The following PDE10A variants were observed in gnomAD, a reference collection of about 807,000 sequenced individuals.
PDE10A encodes phosphodiesterase 10A.
Under a neutral mutation model 97.7 loss-of-function variants are expected in PDE10A, and 39 were observed. The ratio of observed to expected loss-of-function variants is 0.40; its 90% confidence interval spans 0.31 to 0.52. The LOEUF (loss-of-function observed/expected upper bound fraction) is 0.52. Ranked by LOEUF, PDE10A falls within the 20% of genes least tolerant of loss-of-function variation. The probability of loss-of-function intolerance (pLI) is 0.56; values close to 1 mark genes in which losing one functional copy is unlikely to be tolerated. For missense variants in PDE10A, 731 were observed against 1,047.8 expected (o/e 0.70, Z 4.17); for synonymous variants, 371 against 376.8 (o/e 0.98, Z 0.18).
intron 1 of PDE10A, among the ~76,000 whole-genome samples, chr6:165,718,727 T>C (rs983101377): frequency 6.6e-6 from 1 of 151,888 alleles, no homozygotes; most frequent in African/African-American, 2.4e-5. Context: ...TTATTGAAGT[T>C]TAGGGAGTCA....
chr6:165,726,428 A>G (rs1792295520), intron 1 of PDE10A, among the ~76,000 whole-genome samples: 1 of 152,238 alleles, frequency 6.6e-6, no homozygotes, highest in Non-Finnish European at 1.5e-5. Flanking sequence ...GTTAATAAGC[A>G]TAGCTGGTTT....
intron 1 of PDE10A, among the ~76,000 whole-genome samples, chr6:165,713,931 G>T (rs564444724): frequency 6.6e-6 from 1 of 152,294 alleles, no homozygotes; most frequent in South Asian, 2.1e-4. Flanking sequence ...AAGTATTTTG[G>T]ATTGAAACAC....
chr6:165,945,691 C>A (rs1231653831), intron 1 of PDE10A, among the ~76,000 whole-genome samples: 1 of 152,208 alleles, frequency 6.6e-6, no homozygotes, highest in Non-Finnish European at 1.5e-5. Flanking sequence ...ACTTCCCAGC[C>A]TGCAGGACTC....
At chr6:165,810,221 G>T (rs1301810184) in intron 1 of PDE10A, among the ~76,000 whole-genome samples, 2 of 152,158 alleles carry the variant, frequency 1.3e-5, no homozygotes, top group Non-Finnish European at 2.9e-5. Context: ...CACCACCCTT[G>T]GTCTGCCCTT....
At chr6:165,528,397 C>T (rs754285061) in intron 2 of PDE10A, among the ~76,000 whole-genome samples, 4 of 152,160 alleles carry the variant, frequency 2.6e-5, no homozygotes, top group African/African-American at 9.7e-5. Context: ...ATGGAGGTTA[C>T]GCATGGGCTC....
chr6:165,692,918 C>A (rs528600258), intron 1 of PDE10A, among the ~76,000 whole-genome samples: 2 of 152,174 alleles, frequency 1.3e-5, no homozygotes, highest in Non-Finnish European at 2.9e-5. Flanking sequence ...AGTGTCTGTA[C>A]GGCAGAGATA....
At chr6:165,538,482 G>A (rs918272663) in intron 2 of PDE10A, among the ~76,000 whole-genome samples, 9 of 151,940 alleles carry the variant, frequency 5.9e-5, no homozygotes, top group Non-Finnish European at 8.8e-5. Flanking sequence ...TAAGTAACTC[G>A]CCTTTAAGAA....
intron 18 of PDE10A, among the ~76,000 whole-genome samples, chr6:165,362,147 A>C (rs1750473127): frequency 6.6e-6 from 1 of 152,198 alleles, no homozygotes. Flanking sequence ...GGAGGAGCTA[A>C]CTAAAACTAA....
chr6:165,498,465 A>AAAAAAAC (rs1780677069), intron 2 of PDE10A, among the ~76,000 whole-genome samples: 1 of 136,680 alleles, frequency 7.3e-6, no homozygotes, highest in African/African-American at 2.7e-5. Context: ...AAAAAAAAAA[A>AAAAAAAC]ATCAGTAACA....
intron 18 of PDE10A, among the ~76,000 whole-genome samples, chr6:165,373,083 ATGG>A (rs1253653660): frequency 2.7e-5 from 4 of 150,526 alleles, no homozygotes; most frequent in African/African-American, 9.9e-5. Flanking sequence ...TTAATTCAAG[ATGG>A]ATTAAAGACT....
intron 2 of PDE10A, among the ~76,000 whole-genome samples, chr6:165,498,152 C>CCCAA (rs1388169539): frequency 6.6e-6 from 1 of 151,874 alleles, no homozygotes; most frequent in Admixed American, 6.6e-5. Flanking sequence ...TGGCTCACAG[C>CCCAA]TGTAATCCCA....
chr6:165,469,734 ATTTCAC>A (rs1277933498), intron 3 of PDE10A, among the ~76,000 whole-genome samples: 3 of 152,114 alleles, frequency 2.0e-5, no homozygotes, highest in African/African-American at 7.2e-5. Flanking sequence ...AGATGTCAGA[ATTTCAC>A]TTTACCTTAC....
intron 1 of PDE10A, among the ~76,000 whole-genome samples, chr6:165,619,124 A>ATAGTCTAGTGTAGTG (rs1787889337): frequency 6.3e-5 from 2 of 31,976 alleles, no homozygotes; most frequent in Admixed American, 2.7e-4. Context: ...GTAGTCTAGC[A>ATAGTCTAGTGTAGTG]TAGTCTAGTG....
At position 165,943,346 on chromosome 6, in the gene PDE10A, GAGAA is replaced by G. The variant is rs1554343647; in HGVS notation, c.-615+44179_-615+44182del. ...AAGAAAGAAAAAGAAAGAAAGAAAA[GAGAA>G]AGAAAGAAAGAGAAAGAAAGAAAAC... On this transcript the variant is annotated intron_variant, in intron 1 of 19. Coordinates refer to the PDE10A transcript ENST00000366882. Among the ~76,000 whole-genome samples the G allele has an allele frequency of 2.0e-4, 16 of 79,576 alleles. 2 individuals are homozygous for G. Among genetic ancestry groups the G allele is most frequent in the Admixed American group, 3.1e-4 (3 of 9,592 alleles). The allele number at this position is 79,576 out of a possible 152,430, so 52.2% of individuals were successfully genotyped here. A position where few individuals can be genotyped will look rare whatever the true frequency, so the allele number is the denominator to read the frequency against.
At chr6:165,817,292 G>A (rs1562751488) in intron 1 of PDE10A, among the ~76,000 whole-genome samples, 1 of 152,144 alleles carries the variant, frequency 6.6e-6, no homozygotes, top group Non-Finnish European at 1.5e-5. Flanking sequence ...AACATCCTGG[G>A]AAAGACATTC....
At chr6:165,597,309 G>C (rs1412097418) in intron 1 of PDE10A, among the ~76,000 whole-genome samples, 2 of 152,182 alleles carry the variant, frequency 1.3e-5, no homozygotes, top group Non-Finnish European at 2.9e-5. Context: ...TATCCTGGTG[G>C]ATTAAGTTTC....
intron 1 of PDE10A, among the ~76,000 whole-genome samples, chr6:165,621,657 G>A (rs1320013587): frequency 6.6e-6 from 1 of 152,136 alleles, no homozygotes; most frequent in East Asian, 1.9e-4. Flanking sequence ...TTGGGAGGCT[G>A]AGGCACCAGA....
At chr6:165,784,834 TA>T (rs1286291389) in intron 1 of PDE10A, among the ~76,000 whole-genome samples, 1 of 152,060 alleles carries the variant, frequency 6.6e-6, no homozygotes, top group Admixed American at 6.6e-5. Flanking sequence ...TGGAATCACT[TA>T]GTTGGTCCAG....
intron 2 of PDE10A, among the ~76,000 whole-genome samples, chr6:165,496,605 C>T (rs1353958736): frequency 6.6e-6 from 1 of 152,186 alleles, no homozygotes; most frequent in Non-Finnish European, 1.5e-5. Flanking sequence ...GATAGCTGGA[C>T]ACACGTGAAG....
Sources: allele counts gnomAD v4.1 joint callset (sites outside exome capture counted in the v4.1 genomes callset), GRCh38; gene constraint gnomAD v4.1.1; transcripts MANE v1.5; gene names NCBI Gene and HGNC (gene_info 2026-07-23, HGNC 2026-07-21).